Variants in RBM17 observed in about 807,000 individuals in gnomAD.
RBM17 encodes splicing factor 45.
RBM17 carries 7 observed loss-of-function variants against 53.2 expected under a neutral mutation model. The ratio of observed to expected loss-of-function variants is 0.13; its 90% CI spans 0.07 to 0.25. The LOEUF (loss-of-function observed/expected upper bound fraction) is 0.25, where lower values mean the gene tolerates loss of function less well. RBM17 is among the 10% of genes least tolerant of loss of function. The pLI, the probability that RBM17 is intolerant of heterozygous loss-of-function variation, is 1.00. For synonymous variants in RBM17, 167 were observed against 178.1 expected (o/e 0.94, Z 0.50); for missense variants, 257 against 496.7 (o/e 0.52, Z 4.59).
In RBM17 at chr10:6,116,045, C is replaced by G. The variant is rs1245326016; in HGVS notation, c.*489C>G. On this transcript the variant is annotated 3_prime_UTR_variant, in exon 12 of 12. Transcript: ENST00000379888. ...GTGCCAAAGGTGAAAATGATGCTTT[C>G]TCTAACAGAGAAATTCTTAGTGACT... 2 of 152,424 alleles carry G rather than the reference C, an allele frequency of 1.3e-5. No homozygotes were observed. Among genetic ancestry groups the G allele is most frequent in the Non-Finnish European group, 1.5e-5 (1 of 68,122 alleles). The allele number at this position is 152,424 out of a possible 1,614,324, so 9.4% of individuals were successfully genotyped here.
intron 1 of RBM17, among the ~76,000 whole-genome samples, chr10:6,092,000 T>C (rs1020222601): frequency 2.0e-5 from 3 of 152,208 alleles, no homozygotes; most frequent in Non-Finnish European, 4.4e-5. Context: ...CTTTCCAGCT[T>C]GGGTGGAATC....
rs762476562 is a variant in RBM17, at chr10:6,097,200, C to G, written c.123+12C>G. 6 of 1,612,856 alleles carry G rather than the reference C, an allele frequency of 3.7e-6. No homozygotes were observed. In the African/African-American group the frequency reaches 4.0e-5, roughly 11 times the overall value. ...TCACTCAGGCAAAGGTAAAGACAAG[C>G]CCAGAGCATGAGAGCAGAGGCCTCC... On this transcript the variant is annotated intron_variant, in intron 2 of 11. Coordinates refer to ENST00000379888, the MANE Select transcript of RBM17 (RefSeq NM_032905.5).
intron 7 of RBM17, 137 bp downstream of exon 7, chr10:6,110,264 A>G (rs984865232): frequency 1.7e-6 from 1 of 590,044 alleles, no homozygotes; most frequent in Non-Finnish European, 2.6e-6. Flanking sequence ...TACCTGCCTC[A>G]ATCGTGTGGA....
At chr10:6,110,897 C>T (rs560828152) in intron 7 of RBM17, among the ~76,000 whole-genome samples, 1 of 152,154 alleles carries the variant, frequency 6.6e-6, no homozygotes, top group Non-Finnish European at 1.5e-5. Context: ...TAGGACATGG[C>T]CGTGGCTGCA....
intron 2 of RBM17, among the ~76,000 whole-genome samples, chr10:6,097,912 A>G (rs1427079500): frequency 6.6e-6 from 1 of 152,222 alleles, no homozygotes; most frequent in Non-Finnish European, 1.5e-5. Context: ...TTTGGGAAGA[A>G]GCTCCACAGA....
intron 3 of RBM17, among the ~76,000 whole-genome samples, chr10:6,103,450 T>G (rs1840699015): frequency 1.3e-5 from 2 of 152,356 alleles, no homozygotes; most frequent in Admixed American, 1.3e-4. Flanking sequence ...ATTGACAGTT[T>G]GTTCTCTTAG....
chr10:6,107,481 T>C (rs1588349121), intron 5 of RBM17, among the ~76,000 whole-genome samples: 3 of 88,652 alleles, frequency 3.4e-5, no homozygotes, highest in South Asian at 7.9e-4. Context: ...CCCGGCCTCT[T>C]TTTTTTTTTT....
At chr10:6,102,753 G>T (rs1840685930) in intron 3 of RBM17, among the ~76,000 whole-genome samples, 1 of 152,132 alleles carries the variant, frequency 6.6e-6, no homozygotes, top group Non-Finnish European at 1.5e-5. Context: ...AAACCACCTA[G>T]ATTTGCTTTT....
chr10:6,095,337 G>A (rs1337206027), intron 1 of RBM17, among the ~76,000 whole-genome samples: 2 of 151,814 alleles, frequency 1.3e-5, no homozygotes, highest in East Asian at 1.9e-4. Context: ...CTCACCCTCC[G>A]GAGTAGCTGG....
At chr10:6,098,556 GTTTTTTGTTTTTTTTTTT>G (rs1409152463) in intron 2 of RBM17, among the ~76,000 whole-genome samples, 10 of 87,976 alleles carry the variant, frequency 1.1e-4, no homozygotes, top group African/African-American at 4.0e-4. Context: ...TAATACACAG[GTTTTTTGTTTTTTTTTTT>G]TTTTTTTTTT....
chr10:6,098,591 T>TTTTTTTG (rs1201833344), intron 2 of RBM17, among the ~76,000 whole-genome samples: 1 of 127,526 alleles, frequency 7.8e-6, no homozygotes, highest in African/African-American at 2.9e-5. Context: ...TTTTTTTTTT[T>TTTTTTTG]TTGAGACGTA....
In RBM17 at chr10:6,116,292, C is replaced by G. The variant is rs953427896; in HGVS notation, c.*736C>G. The G allele has an allele frequency of 6.6e-6, 1 of 152,238 alleles. No homozygotes were observed. The highest frequency in any genetic ancestry group is 6.5e-5 in the Admixed American group (1 of 15,274). 9.4% of individuals were successfully genotyped at this position (152,238 alleles called of 1,614,324 possible). A position where few individuals can be genotyped will look rare whatever the true frequency, so the allele number is the denominator to read the frequency against. ...CAGAAATGACAAATGAATTCAAAACCTAGCAGGTGCATTGTAAATGTGTGC... is the reference window on the plus strand; with the variant it reads ...CAGAAATGACAAATGAATTCAAAACGTAGCAGGTGCATTGTAAATGTGTGC... On this transcript the variant is annotated 3_prime_UTR_variant, in exon 12 of 12. Transcript: ENST00000379888.
chr10:6,112,193 CCTT>C lies in RBM17; in HGVS notation c.705-11_705-9del, dbSNP rs779471217. 2.6e-5 allele frequency: 42 copies of C among 1,608,308 alleles called. No individual in the cohort carries two copies. In the Admixed American group the frequency reaches 6.2e-4, roughly 24 times the overall value. On this transcript the variant is annotated splice_polypyrimidine_tract_variant and intron_variant, in intron 7 of 11. Coordinates refer to ENST00000379888, the MANE Select transcript of RBM17 (RefSeq NM_032905.5). The surrounding 1 kb of genome is among the most constrained non-coding windows in gnomAD (Gnocchi z 4.4). The stretch of plus-strand genomic sequence containing the variant: ...CGATGTCAAGGCTAAGAGTCCTTTC[CCTT>C]CTTCTCCTGCCAGGGGCACGGTGGC...
chr10:6,093,786 A>G (rs996784469), intron 1 of RBM17, among the ~76,000 whole-genome samples: 1 of 152,226 alleles, frequency 6.6e-6, no homozygotes, highest in African/African-American at 2.4e-5. Context: ...GCCTGCATAT[A>G]CATAATGAGA....
At chr10:6,098,006 C>T (rs1344640437) in intron 2 of RBM17, among the ~76,000 whole-genome samples, 1 of 151,702 alleles carries the variant, frequency 6.6e-6, no homozygotes, top group Non-Finnish European at 1.5e-5. Flanking sequence ...ATGCTGATTG[C>T]TTTTGTTTCT....
chr10:6,115,593 C>T lies in RBM17; in HGVS notation c.*37C>T. 1 of 1,236,640 alleles carries T rather than the reference C, an allele frequency of 8.1e-7. No homozygotes were observed. Among genetic ancestry groups the T allele is most frequent in the African/African-American group, 1.5e-5 (1 of 67,464 alleles). The allele number at this position is 1,236,640 out of a possible 1,614,324, so 76.6% of individuals were successfully genotyped here. ...AGAGCACGAGTCATCTCCGGTGATC[C>T]TTAAATGAACTGCAGGCTGAGAAAA... is the stretch of plus-strand genomic sequence containing the variant. On this transcript the variant is annotated 3_prime_UTR_variant, in exon 12 of 12. Coordinates refer to ENST00000379888, the MANE Select transcript of RBM17 (RefSeq NM_032905.5).
intron 10 of RBM17, 103 bp downstream of exon 10, chr10:6,114,250 C>T: frequency 1.5e-6 from 1 of 650,492 alleles, no homozygotes; most frequent in Non-Finnish European, 2.7e-6. Flanking sequence ...AACATTCTTA[C>T]TGCAGAAGGT....
At chr10:6,106,105 A>G (rs1840744794) in intron 4 of RBM17, 36 bp from the exon 5 acceptor site, 1 of 1,496,720 alleles carries the variant, frequency 6.7e-7, no homozygotes, top group Non-Finnish European at 9.3e-7. Flanking sequence ...AAATTGGTTC[A>G]TCTGTGATGA....
At position 6,112,499 on chromosome 10, in the gene RBM17, C is replaced by T; in HGVS notation, c.856+138C>T. 1.0e-6 allele frequency: 1 copy of T among 1,004,422 alleles called. No homozygotes were observed. The highest frequency in any genetic ancestry group is 1.5e-6 in the Non-Finnish European group (1 of 655,328). 62.2% of individuals were successfully genotyped at this position (1,004,422 alleles called of 1,614,324 possible). Reference sequence around the variant, plus strand: ...AGAGGGAGAGGGCTGGCCCTGCCATCACTAGAACACAGGCCGTCCTGTTCA... The same window carrying T: ...AGAGGGAGAGGGCTGGCCCTGCCATTACTAGAACACAGGCCGTCCTGTTCA... On this transcript the variant is annotated intron_variant, in intron 8 of 11. Transcript: ENST00000379888. The surrounding 1 kb of genome is among the most constrained non-coding windows in gnomAD (Gnocchi z 4.4).
Sources: gnomAD v4.1 joint callset for allele counts (sites outside exome capture counted in the v4.1 genomes callset) on GRCh38, gnomAD v4.1.1 for gene constraint, Gnocchi (gnomAD v3.1) non-coding constraint, MANE v1.5 for transcripts, NCBI Gene and HGNC (gene_info 2026-07-23, HGNC 2026-07-21) for gene names.